TTLL11: variants seen among roughly 807,000 people sequenced by gnomAD.
The protein encoded by TTLL11 is tubulin tyrosine ligase like 11.
TTLL11 carries 42 observed loss-of-function variants against 51.7 expected under a neutral mutation model. The ratio of observed to expected loss-of-function variants is 0.81; its 90% CI spans 0.64 to 1.05. The LOEUF is 1.05. TTLL11 is among the 50% of genes least tolerant of loss of function. The pLI is 0.00. For missense variants in TTLL11, 799 were observed against 940.4 expected (o/e 0.85, Z 1.97); for synonymous variants, 381 against 383.5 (o/e 0.99, Z 0.08).
chr9:121,828,082 C>T (rs1185260530), intron 8 of TTLL11, among the ~76,000 whole-genome samples: 2 of 152,180 alleles, frequency 1.3e-5, no homozygotes, highest in African/African-American at 4.8e-5. Context: ...GCCTTCCCTC[C>T]AGCACTTACA....
intron 8 of TTLL11, among the ~76,000 whole-genome samples, chr9:121,826,511 A>G (rs867271832): frequency 1.6e-5 from 1 of 62,936 alleles, no homozygotes; most frequent in African/African-American, 8.1e-5. Flanking sequence ...GTATATATAT[A>G]TATGTATATA....
chr9:121,968,588 C>T (rs541352191), intron 6 of TTLL11, among the ~76,000 whole-genome samples: 1 of 152,270 alleles, frequency 6.6e-6, no homozygotes, highest in South Asian at 2.1e-4. Context: ...GACAGAGTCT[C>T]GCTCTGTTGC....
intron 6 of TTLL11, among the ~76,000 whole-genome samples, chr9:121,924,110 A>C (rs1362662275): frequency 6.6e-6 from 1 of 152,178 alleles, no homozygotes; most frequent in African/African-American, 2.4e-5. Flanking sequence ...TTTTCTTTAT[A>C]AATTACCCAG....
chr9:122,026,671 G>A (rs578053810), intron 3 of TTLL11, among the ~76,000 whole-genome samples: 1 of 152,194 alleles, frequency 6.6e-6, no homozygotes, highest in Admixed American at 6.5e-5. Context: ...TCTCTGCAGA[G>A]TCTCAAAATA....
At chr9:121,860,291 C>A (rs760347448) in intron 8 of TTLL11, 46 bp downstream of exon 8, 2 of 1,434,546 alleles carry the variant, frequency 1.4e-6, no homozygotes, top group African/African-American at 2.8e-5. Context: ...ACCACCCATG[C>A]CTGTCAGGAC....
chr9:121,964,086 C>T (rs535438832), intron 6 of TTLL11, among the ~76,000 whole-genome samples: 1 of 151,670 alleles, frequency 6.6e-6, no homozygotes, highest in African/African-American at 2.4e-5. Flanking sequence ...TCACAGATAC[C>T]TTTCAAGACT....
At chr9:122,064,795 G>C in intron 1 of TTLL11, among the ~76,000 whole-genome samples, 1 of 152,202 alleles carries the variant, frequency 6.6e-6, no homozygotes, top group Non-Finnish European at 1.5e-5. Context: ...GAGGTGGGGA[G>C]AGAAAGGAGA....
chr9:121,878,351 G>A (rs1292083221), intron 6 of TTLL11, among the ~76,000 whole-genome samples: 2 of 152,172 alleles, frequency 1.3e-5, no homozygotes, highest in East Asian at 3.9e-4. Context: ...TGGCTGCTTC[G>A]TTTTGTTTGC....
intron 6 of TTLL11, among the ~76,000 whole-genome samples, chr9:121,934,264 A>AAATAAATAAATC (rs1424864629): frequency 1.3e-5 from 2 of 151,760 alleles, no homozygotes; most frequent in African/African-American, 4.9e-5. Flanking sequence ...ATAAATAAAT[A>AAATAAATAAATC]AATCCATTCG....
chr9:121,953,668 C>G (rs929148960), intron 6 of TTLL11, among the ~76,000 whole-genome samples: 2 of 147,792 alleles, frequency 1.4e-5, no homozygotes, highest in African/African-American at 5.0e-5. Flanking sequence ...GAAGATTAAC[C>G]AAAGCATTTC....
At position 121,822,491 on chromosome 9, in the gene TTLL11, A is replaced by G. The variant is rs1836608103; in HGVS notation, c.*96T>C. ...GGGGACCTCAGCTGGGCCCCTCGGC[A>G]GCCTGCCTGCCATTCCTCTGCAGGC... On this transcript the variant is annotated 3_prime_UTR_variant, in exon 9 of 9. Coordinates refer to ENST00000321582, the MANE Select transcript of TTLL11 (RefSeq NM_001139442.2). This position sits in a 1 kb window ranked among gnomAD's most constrained non-coding sequence, Gnocchi z 5.8. 1 of 1,236,022 alleles carries G rather than the reference A, an allele frequency of 8.1e-7. No homozygotes were observed. The highest frequency in any genetic ancestry group is 2.8e-5 in the East Asian group (1 of 35,268). The allele number at this position is 1,236,022 out of a possible 1,614,324, so 76.6% of individuals were successfully genotyped here.
chr9:122,083,410 T>C (rs1588266748), intron 1 of TTLL11, among the ~76,000 whole-genome samples: 1 of 152,168 alleles, frequency 6.6e-6, no homozygotes, highest in South Asian at 2.1e-4. Context: ...CCAGCCCACA[T>C]TGAACCCAAA....
At chr9:122,036,489 T>TTA (rs1427001909) in intron 2 of TTLL11, among the ~76,000 whole-genome samples, 1 of 151,796 alleles carries the variant, frequency 6.6e-6, no homozygotes, top group East Asian at 2.0e-4. Flanking sequence ...TCTACTTTCT[T>TTA]TAGACGTATC....
intron 3 of TTLL11, among the ~76,000 whole-genome samples, chr9:122,029,110 G>A (rs1302334947): frequency 6.6e-6 from 1 of 152,142 alleles, no homozygotes; most frequent in Non-Finnish European, 1.5e-5. Context: ...GGTGTTGCAG[G>A]TGTCAACAAA....
At chr9:121,885,326 G>C (rs575217518) in intron 6 of TTLL11, 4 of 152,294 alleles carry the variant, frequency 2.6e-5, no homozygotes, top group Admixed American at 2.0e-4. Flanking sequence ...GGTTTCTGGG[G>C]ACTTGTACAG....
chr9:121,888,016 C>A (rs1042304671), intron 6 of TTLL11, among the ~76,000 whole-genome samples: 1 of 152,148 alleles, frequency 6.6e-6, no homozygotes, highest in Non-Finnish European at 1.5e-5. Context: ...ACTCTTAAAC[C>A]CTCTTTGCTC....
Position 121,850,553 on chromosome 9 carries a change from T to C in TTLL11, c.1840+9784A>G, listed in dbSNP as rs201609180. ...TGAGGGAGCAGTGAAGGGGGAGGAG[T>C]GGGGAGGTGGTGGGCAAGAGAGAGA... On this transcript the variant is annotated intron_variant, in intron 8 of 8. Coordinates refer to ENST00000321582, the MANE Select transcript of TTLL11 (RefSeq NM_001139442.2). Among the ~76,000 whole-genome samples the C allele has an allele frequency of 1.3e-4, 19 of 148,116 alleles. 1 individual carries two copies. In the East Asian group the frequency reaches 3.8e-3, roughly 30 times the overall value.
chr9:122,036,830 T>C (rs1357411549), intron 2 of TTLL11, among the ~76,000 whole-genome samples: 3 of 152,208 alleles, frequency 2.0e-5, no homozygotes, highest in Non-Finnish European at 4.4e-5. Flanking sequence ...ACCCCTCTGC[T>C]GAGGATTACT....
intron 4 of TTLL11, among the ~76,000 whole-genome samples, chr9:121,979,265 C>A (rs1842779265): frequency 6.6e-6 from 1 of 152,130 alleles, no homozygotes; most frequent in Admixed American, 6.6e-5. Context: ...GGAGGAGGAG[C>A]TTTCCCCAGT....
Sources: gnomAD v4.1 joint callset for allele counts (sites outside exome capture counted in the v4.1 genomes callset) on GRCh38, gnomAD v4.1.1 for gene constraint, Gnocchi (gnomAD v3.1) non-coding constraint, MANE v1.5 for transcripts, NCBI Gene and HGNC (gene_info 2026-07-23, HGNC 2026-07-21) for gene names.